The following MEIS1 variants were observed in gnomAD, a reference collection of about 807,000 sequenced individuals.
MEIS1 encodes the protein homeobox protein Meis1.
In MEIS1, 5 loss-of-function variants were observed where a neutral mutation model predicts 50.8. The observed-to-expected ratio is 0.10, with a 90% CI of 0.05 to 0.21. The LOEUF is 0.21. Among genes scored for constraint, MEIS1 ranks in the 10% least tolerant of loss-of-function variants. The probability of loss-of-function intolerance (pLI) is 1.00; values close to 1 mark genes in which losing one functional copy is unlikely to be tolerated. For synonymous variants in MEIS1, 176 were observed against 179.3 expected, an observed-to-expected ratio of 0.98 and a Z score of 0.15; for missense variants, 318 against 517.3, an observed-to-expected ratio of 0.61 and a Z score of 3.74.
chr2:66,499,031 G>C (rs573855515), intron 7 of MEIS1, among the ~76,000 whole-genome samples: 1 of 152,146 alleles, frequency 6.6e-6, no homozygotes, highest in Admixed American at 6.5e-5. Context: ...ACAAGCCTAC[G>C]TCCCTGACTA....
chr2:66,530,480 C>T (rs564723247), intron 8 of MEIS1, among the ~76,000 whole-genome samples: 6 of 151,728 alleles, frequency 4.0e-5, no homozygotes, highest in South Asian at 2.1e-4. Context: ...TTTGGGAGGC[C>T]GAGGCGGGCG....
chr2:66,444,747 G>C (rs1672088081), intron 6 of MEIS1, among the ~76,000 whole-genome samples: 1 of 152,200 alleles, frequency 6.6e-6, no homozygotes, highest in South Asian at 2.1e-4. Context: ...AGGAACCCTC[G>C]AGTAGCTGCT....
chr2:66,446,896 G>A (rs1672165262), intron 6 of MEIS1, among the ~76,000 whole-genome samples: 1 of 152,252 alleles, frequency 6.6e-6, no homozygotes, highest in African/African-American at 2.4e-5. Context: ...TGGGAACTCT[G>A]ATGGCGATTG....
At chr2:66,562,352 C>A (rs1675240532) in intron 9 of MEIS1, among the ~76,000 whole-genome samples, 1 of 149,176 alleles carries the variant, frequency 6.7e-6, no homozygotes. Flanking sequence ...TTCAGGTATC[C>A]AAAGACTGAG....
intron 7 of MEIS1, among the ~76,000 whole-genome samples, chr2:66,501,908 T>C (rs556904059): frequency 1.8e-4 from 27 of 152,352 alleles, no homozygotes; most frequent in African/African-American, 6.0e-4. Context: ...GTAAATATTT[T>C]CATTCTGGGT....
At chr2:66,464,060 A>AG (rs779761587) in intron 6 of MEIS1, 49 bp from the exon 7 acceptor site, 139 of 1,351,128 alleles carry the variant, frequency 1.0e-4, no homozygotes, top group Non-Finnish European at 1.4e-4. Flanking sequence ...CCTACCAATA[A>AG]GGGTTCACAG....
chr2:66,442,666 A>T (rs892610056), intron 5 of MEIS1: 7 of 433,688 alleles, frequency 1.6e-5, no homozygotes, highest in South Asian at 1.5e-4. Flanking sequence ...CGGGTGTTGA[A>T]TATGTTGTAG....
chr2:66,544,557 G>C (rs1322837819), intron 8 of MEIS1, among the ~76,000 whole-genome samples: 1 of 152,102 alleles, frequency 6.6e-6, no homozygotes, highest in Non-Finnish European at 1.5e-5. Flanking sequence ...TAGGAATGTT[G>C]TTGATACCTT....
intron 8 of MEIS1, among the ~76,000 whole-genome samples, chr2:66,535,279 C>T (rs7603236): frequency 0.61 from 93,004 of 152,040 alleles, 28,861 homozygotes; most frequent in East Asian, 0.81. Context: ...ATTCTAACTT[C>T]ACCAGTAATT....
At chr2:66,560,768 T>G (rs1423809744) in intron 9 of MEIS1, among the ~76,000 whole-genome samples, 6 of 152,112 alleles carry the variant, frequency 3.9e-5, no homozygotes, top group African/African-American at 1.4e-4. Flanking sequence ...TTCAATATTA[T>G]GTTTATCAAG....
At chr2:66,449,018 G>A (rs548323312) in intron 6 of MEIS1, among the ~76,000 whole-genome samples, 5 of 152,010 alleles carry the variant, frequency 3.3e-5, no homozygotes, top group African/African-American at 9.6e-5. Context: ...TGACATAATC[G>A]AAACAAAATT....
intron 8 of MEIS1, among the ~76,000 whole-genome samples, chr2:66,533,885 T>G (rs1674454505): frequency 6.6e-6 from 1 of 152,170 alleles, no homozygotes; most frequent in East Asian, 1.9e-4. Flanking sequence ...AAGAAAACAT[T>G]AAAATCTAAT....
intron 6 of MEIS1, among the ~76,000 whole-genome samples, chr2:66,454,432 C>T (rs1295913861): frequency 6.6e-6 from 1 of 152,056 alleles, no homozygotes; most frequent in African/African-American, 2.4e-5. Flanking sequence ...TGAATCACTG[C>T]AGACTCACTC....
intron 7 of MEIS1, among the ~76,000 whole-genome samples, chr2:66,511,242 T>C (rs1673822607): frequency 6.6e-6 from 1 of 152,204 alleles, no homozygotes; most frequent in South Asian, 2.1e-4. Context: ...TAAATTTTTA[T>C]TTTTTCTTAT....
At chr2:66,531,951 G>A (rs1482057000) in intron 8 of MEIS1, among the ~76,000 whole-genome samples, 2 of 151,890 alleles carry the variant, frequency 1.3e-5, no homozygotes, top group South Asian at 2.1e-4. Context: ...AAAAATCATC[G>A]CAGACCTTTT....
At chr2:66,565,281 ACTCTCT>A (rs139817451) in intron 9 of MEIS1, among the ~76,000 whole-genome samples, 3 of 150,792 alleles carry the variant, frequency 2.0e-5, no homozygotes, top group Non-Finnish European at 4.4e-5. Flanking sequence ...CACTGTATTC[ACTCTCT>A]CTCTCTCTCT....
At chr2:66,539,472 G>T (rs1055498086) in intron 8 of MEIS1, among the ~76,000 whole-genome samples, 3 of 152,116 alleles carry the variant, frequency 2.0e-5, no homozygotes, top group Non-Finnish European at 4.4e-5. Context: ...AAAATCGTTT[G>T]GAAGTGAATT....
chr2:66,444,727 G>C (rs1233400733), intron 6 of MEIS1, among the ~76,000 whole-genome samples: 1 of 152,224 alleles, frequency 6.6e-6, no homozygotes, highest in Non-Finnish European at 1.5e-5. Flanking sequence ...GTTGAGTGCC[G>C]ATTCTGCTGA....
At chr2:66,472,243 A>G (rs1185820090) in intron 7 of MEIS1, among the ~76,000 whole-genome samples, 1 of 152,234 alleles carries the variant, frequency 6.6e-6, no homozygotes, top group Non-Finnish European at 1.5e-5. Flanking sequence ...GATTCTTCAC[A>G]TGGTGTCATT....
Sources: gnomAD v4.1 joint callset for allele counts (sites outside exome capture counted in the v4.1 genomes callset) on GRCh38, gnomAD v4.1.1 for gene constraint, MANE v1.5 for transcripts, NCBI Gene and HGNC (gene_info 2026-07-23, HGNC 2026-07-21) for gene names.